DIXDC1: variants seen among roughly 807,000 people sequenced by gnomAD.
DIXDC1 encodes DIX domain containing 1.
A neutral mutation model predicts 103.1 loss-of-function variants in DIXDC1; 64 were observed. The ratio of observed to expected loss-of-function variants is 0.62; its 90% CI spans 0.51 to 0.76. The LOEUF is 0.76. Ranked by LOEUF, DIXDC1 falls within the 30% of genes least tolerant of loss-of-function variation. DIXDC1 has a pLI of 0.00. For synonymous variants in DIXDC1, 266 were observed against 298.5 expected, an observed-to-expected ratio of 0.89 and a Z score of 1.12; for missense variants, 759 against 834.2, an observed-to-expected ratio of 0.91 and a Z score of 1.11.
At chr11:111,932,635 G>A (rs1555167789), upstream of DIXDC1, among the ~76,000 whole-genome samples, 2 of 151,202 alleles carry the variant, frequency 1.3e-5, no homozygotes, top group Admixed American at 1.3e-4. Flanking sequence ...TCACATATCT[G>A]CTTTGGTGTG....
At chr11:111,995,171 G>T in intron 15 of DIXDC1, 63 bp downstream of exon 15, 1 of 1,543,860 alleles carries the variant, frequency 6.5e-7, no homozygotes, top group Non-Finnish European at 8.9e-7. Flanking sequence ...GAGTGCCAAA[G>T]CCATGGCCAG....
chr11:111,996,423 C>T (rs1167862284), intron 17 of DIXDC1: 1 of 257,176 alleles, frequency 3.9e-6, no homozygotes, highest in African/African-American at 2.3e-5. Context: ...AAGATTTATG[C>T]TGAAAAAGCA....
intron 1 of DIXDC1, among the ~76,000 whole-genome samples, chr11:111,956,407 G>A (rs1462014726): frequency 2.6e-5 from 4 of 152,152 alleles, no homozygotes; most frequent in Non-Finnish European, 5.9e-5. Flanking sequence ...CTAGGCATGT[G>A]ATAATAATAC....
Position 112,016,781 on chromosome 11 carries a change from T to C in DIXDC1, c.1847T>C (p.Val616Ala). 6.2e-7 allele frequency: 1 copy of C among 1,606,142 alleles called. No individual in the cohort carries two copies. The highest frequency in any genetic ancestry group is 8.5e-7 in the Non-Finnish European group (1 of 1,175,610). ...FTDRSLTPFM[V>A]NIPKRLEEVT... is the part of the protein sequence containing the mutation. The stretch of plus-strand genomic sequence containing the variant: ...GACCGGTCACTTACGCCCTTCATGG[T>C]CAATATACCAAAGAGGTGAGATTCT... The change falls in exon 18 of 20, where the codon GTC becomes GCC. Residue 616 changes from valine (V) to alanine (A), a missense_variant. Val to Ala is a moderately conservative substitution (Grantham distance 64, BLOSUM62 0). Coordinates refer to ENST00000440460, the MANE Select transcript of DIXDC1 (RefSeq NM_001037954.4).
In DIXDC1 at chr11:111,993,659, T is replaced by A. The variant is rs1566547507; in HGVS notation, c.1366-10T>A. The A allele has an allele frequency of 6.2e-7, 1 of 1,614,030 alleles. No individual in the cohort carries two copies. Among genetic ancestry groups the A allele is most frequent in the African/African-American group, 1.3e-5 (1 of 75,054 alleles). ...AGAAATCATTTTCTGATTTAGTGTC[T>A]ATTTTGCAGGTGGATCTAGAGCGAG... is the stretch of plus-strand genomic sequence containing the variant. On this transcript the variant is annotated splice_polypyrimidine_tract_variant and intron_variant, in intron 13 of 19. Coordinates refer to ENST00000440460, the MANE Select transcript of DIXDC1 (RefSeq NM_001037954.4).
At chr11:111,929,978 C>G in intron 2 of DIXDC1, 1 of 1,389,606 alleles carries the variant, frequency 7.2e-7, no homozygotes, top group South Asian at 1.3e-5. Flanking sequence ...AGTTCTACTT[C>G]TGGGGATTTC....
At chr11:111,984,496 C>T (rs1357013261) in intron 7 of DIXDC1, among the ~76,000 whole-genome samples, 1 of 152,124 alleles carries the variant, frequency 6.6e-6, no homozygotes, top group Non-Finnish European at 1.5e-5. Context: ...CAAAATCGGG[C>T]CACCGCACTC....
At chr11:111,939,282 G>A (rs1341540501) in intron 1 of DIXDC1, among the ~76,000 whole-genome samples, 3 of 152,198 alleles carry the variant, frequency 2.0e-5, no homozygotes, top group Non-Finnish European at 4.4e-5. Flanking sequence ...AGGCTTGGCC[G>A]TGTGTTTCAT....
chr11:111,958,398 G>A lies in DIXDC1; in HGVS notation c.61-6151G>A, dbSNP rs782185616. Among the ~76,000 whole-genome samples the A allele has an allele frequency of 1.3e-5, 2 of 152,200 alleles. No homozygotes were observed. The highest frequency in any genetic ancestry group is 2.9e-5 in the Non-Finnish European group (2 of 68,020). ...TTGCTCCTGCTGCCTGGCCTCTCCC[G>A]ACTCCCTGCACCTGCTCCGATCTTG... On this transcript the variant is annotated intron_variant, in intron 1 of 19. Coordinates refer to ENST00000440460, the MANE Select transcript of DIXDC1 (RefSeq NM_001037954.4). This position sits in a 1 kb window ranked among gnomAD's most constrained non-coding sequence, Gnocchi z 4.2.
At chr11:111,992,599 C>A (rs1344299862) in intron 11 of DIXDC1, 80 bp downstream of exon 11, 3 of 1,223,752 alleles carry the variant, frequency 2.5e-6, no homozygotes, top group South Asian at 1.4e-5. Context: ...ATTAGACTGG[C>A]CATCCTAATC....
chr11:111,977,157 C>A lies in DIXDC1; in HGVS notation c.656+2174C>A, dbSNP rs1192407013. The A allele has an allele frequency of 6.1e-6, 4 of 654,184 alleles. No homozygotes were observed. The highest frequency in any genetic ancestry group is 1.4e-4 in the East Asian group (1 of 7,318). 40.5% of individuals were successfully genotyped at this position (654,184 alleles called of 1,614,324 possible). On this transcript the variant is annotated intron_variant, in intron 5 of 19. Coordinates refer to ENST00000440460, the MANE Select transcript of DIXDC1 (RefSeq NM_001037954.4). This position sits in a 1 kb window ranked among gnomAD's most constrained non-coding sequence, Gnocchi z 6.1. ...AACCCCTCGTCGACGTCCCCACCCC[C>A]ACCTCCACCCCGCCCAGCCCCGCCC...
Position 111,998,813 on chromosome 11 carries a change from C to T in DIXDC1, c.1756+2667C>T, listed in dbSNP as rs981268998. On this transcript the variant is annotated intron_variant, in intron 17 of 19. Coordinates refer to ENST00000440460, the MANE Select transcript of DIXDC1 (RefSeq NM_001037954.4). The surrounding 1 kb of genome is among the most constrained non-coding windows in gnomAD (Gnocchi z 4.1). ...CCTCCCAAAGTGCTGGGATTACAGG[C>T]GTGAGCCACCGCGCCTGGCCTAGTA... Among the ~76,000 whole-genome samples the T allele has an allele frequency of 3.0e-4, 45 of 152,272 alleles. No individual in the cohort carries two copies. The highest frequency in any genetic ancestry group is 3.4e-3 in the Middle Eastern group (1 of 294).
chr11:111,974,875 G>A lies in DIXDC1; in HGVS notation c.549-1G>A, dbSNP rs781868407. On this transcript the variant is annotated splice_acceptor_variant, in intron 4 of 19. Coordinates refer to ENST00000440460, the MANE Select transcript of DIXDC1 (RefSeq NM_001037954.4). LOFTEE classifies it high-confidence loss of function. Reference sequence around the variant, plus strand: ...CCTTTGCTGGGGTCCTTTGACTTTAGGAACAGCAGCATGGATGAGGAAATT... The same window carrying A: ...CCTTTGCTGGGGTCCTTTGACTTTAAGAACAGCAGCATGGATGAGGAAATT... The A allele has an allele frequency of 1.2e-6, 2 of 1,613,206 alleles. No homozygotes were observed. Among genetic ancestry groups the A allele is most frequent in the Admixed American group, 3.3e-5 (2 of 59,954 alleles).
chr11:111,980,869 C>A lies in DIXDC1; in HGVS notation c.769+20C>A. ...GAACAGGTACTATCTCTACGCCTGCCTGGGCTGGTTCAAGGAACAGTCAGC... is the reference window on the plus strand; with the variant it reads ...GAACAGGTACTATCTCTACGCCTGCATGGGCTGGTTCAAGGAACAGTCAGC... On this transcript the variant is annotated intron_variant, in intron 6 of 19. Coordinates refer to ENST00000440460, the MANE Select transcript of DIXDC1 (RefSeq NM_001037954.4). 1 of 1,601,658 alleles carries A rather than the reference C, an allele frequency of 6.2e-7. No homozygotes were observed. The highest frequency in any genetic ancestry group is 1.7e-5 in the Admixed American group (1 of 59,748).
At chr11:111,973,979 G>A in intron 3 of DIXDC1, 44 bp from the exon 4 acceptor site, 4 of 1,595,044 alleles carry the variant, frequency 2.5e-6, no homozygotes, top group Non-Finnish European at 3.4e-6. Context: ...CTCCCTCTTA[G>A]GACCTCTTGG....
At chr11:111,949,146 A>G in intron 1 of DIXDC1, among the ~76,000 whole-genome samples, 1 of 152,188 alleles carries the variant, frequency 6.6e-6, no homozygotes, top group Non-Finnish European at 1.5e-5. Context: ...AATACCTGGC[A>G]TGTAGTAAGT....
At chr11:111,944,668 T>C (rs1966534361) in intron 1 of DIXDC1, among the ~76,000 whole-genome samples, 1 of 152,180 alleles carries the variant, frequency 6.6e-6, no homozygotes, top group Non-Finnish European at 1.5e-5. Context: ...TGATGGAGAT[T>C]ATGGGATTGC....
chr11:111,985,573 G>A (rs782307717), intron 8 of DIXDC1, among the ~76,000 whole-genome samples: 1 of 151,956 alleles, frequency 6.6e-6, no homozygotes. Flanking sequence ...TCTAAGACCC[G>A]ACCCTTATGG....
chr11:111,956,385 T>A (rs1313480465), intron 1 of DIXDC1, among the ~76,000 whole-genome samples: 4 of 152,308 alleles, frequency 2.6e-5, no homozygotes, highest in East Asian at 1.9e-4. Flanking sequence ...ATCACAATTT[T>A]AAAAAAATGA....
Sources: gnomAD v4.1 joint callset for allele counts (sites outside exome capture counted in the v4.1 genomes callset) on GRCh38, gnomAD v4.1.1 for gene constraint, Gnocchi (gnomAD v3.1) non-coding constraint, MANE v1.5 for transcripts, NCBI Gene and HGNC (gene_info 2026-07-23, HGNC 2026-07-21) for gene names.